Variants in ZDHHC14 observed in about 807,000 individuals in gnomAD.
ZDHHC14 encodes zDHHC palmitoyltransferase 14.
A neutral mutation model predicts 47.7 loss-of-function variants in ZDHHC14; 16 were observed. That is an observed-to-expected ratio of 0.34 (90% CI 0.23 to 0.51). The LOEUF (loss-of-function observed/expected upper bound fraction) is 0.51. Ranked by LOEUF, ZDHHC14 falls within the 20% of genes least tolerant of loss-of-function variation. The pLI is 0.97. For synonymous variants in ZDHHC14, 293 were observed against 278.9 expected, an observed-to-expected ratio of 1.05 and a Z score of -0.50; for missense variants, 515 against 662.5, an observed-to-expected ratio of 0.78 and a Z score of 2.44.
In ZDHHC14 at chr6:157,424,842, C is replaced by G. The variant is rs776410460; in HGVS notation, c.245+42576C>G. On this transcript the variant is annotated intron_variant, in intron 1 of 8. Coordinates refer to ENST00000359775, the MANE Select transcript of ZDHHC14 (RefSeq NM_024630.3). ...TCAAATGTGCCCTTCACTGCGTCCC[C>G]AACCCCACCCCAGGCCCCAGAGTCA... Among the ~76,000 whole-genome samples, 243 of 152,190 alleles carry G rather than the reference C, an allele frequency of 1.6e-3. 1 individual carries two copies. Among genetic ancestry groups the G allele is most frequent in the Non-Finnish European group, 2.1e-3 (140 of 68,004 alleles).
intron 1 of ZDHHC14, among the ~76,000 whole-genome samples, chr6:157,484,399 CAT>C (rs952887659): frequency 2.2e-4 from 32 of 142,944 alleles, no homozygotes; most frequent in Middle Eastern, 3.7e-3. Context: ...CGTATATATA[CAT>C]ATATATGTAT....
chr6:157,533,638 CT>C (rs1781442530), intron 1 of ZDHHC14, among the ~76,000 whole-genome samples: 1 of 152,146 alleles, frequency 6.6e-6, no homozygotes, highest in Admixed American at 6.5e-5. Context: ...GCTTTGTAGC[CT>C]CGGCAAGTAC....
chr6:157,431,696 T>A (rs1778341439), intron 1 of ZDHHC14, among the ~76,000 whole-genome samples: 1 of 152,044 alleles, frequency 6.6e-6, no homozygotes, highest in Non-Finnish European at 1.5e-5. Flanking sequence ...ACCTGGCATT[T>A]TTGCTTTGGC....
At chr6:157,409,847 G>GGGGC (rs1362157334) in intron 1 of ZDHHC14, among the ~76,000 whole-genome samples, 2 of 151,482 alleles carry the variant, frequency 1.3e-5, no homozygotes, top group African/African-American at 2.4e-5. Flanking sequence ...TTTGGGGGGG[G>GGGGC]GGACAGAGTC....
chr6:157,438,017 T>A (rs149072273), intron 1 of ZDHHC14, among the ~76,000 whole-genome samples: 129 of 152,298 alleles, frequency 8.5e-4, no homozygotes, highest in African/African-American at 2.9e-3. Context: ...ATGTTTTTTT[T>A]ATTGAGGTAA....
intron 1 of ZDHHC14, among the ~76,000 whole-genome samples, chr6:157,411,130 G>A (rs904328969): frequency 2.0e-5 from 3 of 152,150 alleles, no homozygotes; most frequent in African/African-American, 7.2e-5. Flanking sequence ...ACCTTAGATC[G>A]ACTGAATCAG....
intron 1 of ZDHHC14, among the ~76,000 whole-genome samples, chr6:157,528,593 G>A (rs182784990): frequency 5.3e-5 from 8 of 152,128 alleles, no homozygotes; most frequent in East Asian, 1.9e-4. Context: ...TTAGCCAGGC[G>A]TGGTGGCAGG....
intron 5 of ZDHHC14, among the ~76,000 whole-genome samples, chr6:157,641,901 T>C (rs1777268242): frequency 6.6e-6 from 1 of 152,204 alleles, no homozygotes; most frequent in East Asian, 1.9e-4. Context: ...TAATGAAGTG[T>C]CCCAACTCCA....
chr6:157,479,309 G>C (rs1321021753), intron 1 of ZDHHC14, among the ~76,000 whole-genome samples: 1 of 152,222 alleles, frequency 6.6e-6, no homozygotes. Flanking sequence ...CACATCCTAA[G>C]TGCAGTGTAA....
At chr6:157,531,588 C>T (rs1781369499) in intron 1 of ZDHHC14, among the ~76,000 whole-genome samples, 3 of 151,478 alleles carry the variant, frequency 2.0e-5, no homozygotes, top group South Asian at 2.1e-4. Context: ...TGCTGATTTG[C>T]CCCACCCCCC....
chr6:157,640,674 A>T (rs1777206359), intron 5 of ZDHHC14, among the ~76,000 whole-genome samples: 1 of 152,152 alleles, frequency 6.6e-6, no homozygotes, highest in African/African-American at 2.4e-5. Flanking sequence ...GGACTGAGAT[A>T]CTTCCTGCTA....
At chr6:157,420,231 G>A (rs1181569461) in intron 1 of ZDHHC14, among the ~76,000 whole-genome samples, 1 of 151,354 alleles carries the variant, frequency 6.6e-6, no homozygotes, top group Non-Finnish European at 1.5e-5. Flanking sequence ...CATTGAAGGG[G>A]TGGGCTGAAT....
intron 1 of ZDHHC14, among the ~76,000 whole-genome samples, chr6:157,458,556 G>C (rs1034058306): frequency 7.2e-5 from 11 of 152,106 alleles, no homozygotes; most frequent in Non-Finnish European, 1.3e-4. Flanking sequence ...TGGTTTTAAA[G>C]AAATCGCAAA....
chr6:157,461,257 G>A (rs1452723641), intron 1 of ZDHHC14, among the ~76,000 whole-genome samples: 1 of 152,226 alleles, frequency 6.6e-6, no homozygotes, highest in Non-Finnish European at 1.5e-5. Flanking sequence ...GTGAGAAGGG[G>A]TCGGCATGGG....
At chr6:157,636,035 C>T (rs1481384747) in intron 5 of ZDHHC14, among the ~76,000 whole-genome samples, 1 of 152,170 alleles carries the variant, frequency 6.6e-6, no homozygotes, top group East Asian at 1.9e-4. Flanking sequence ...CTCCTCCACA[C>T]TCAGGGGCAG....
intron 8 of ZDHHC14, among the ~76,000 whole-genome samples, chr6:157,657,018 A>G (rs7766266): frequency 0.73 from 110,086 of 151,716 alleles, 40,199 homozygotes; most frequent in African/African-American, 0.8. Flanking sequence ...CTCCTGTAGC[A>G]TCTTCTTGCC....
rs1470551303 is a variant in ZDHHC14, at chr6:157,381,589, G to A, written c.-433G>A. On this transcript the variant is annotated 5_prime_UTR_variant, in exon 1 of 9. Coordinates refer to ENST00000359775, the MANE Select transcript of ZDHHC14 (RefSeq NM_024630.3). ...TCCCGAGGAAGCCGGCGCCGGGGCC[G>A]CCGCCTCGTGTCCCCTCGGGGCGCA... The A allele has an allele frequency of 5.0e-6, 2 of 396,096 alleles. No individual in the cohort carries two copies. The highest frequency in any genetic ancestry group is 1.7e-5 in the South Asian group (1 of 58,910). The allele number at this position is 396,096 out of a possible 1,614,324, so 24.5% of individuals were successfully genotyped here. A position where few individuals can be genotyped will look rare whatever the true frequency, so the allele number is the denominator to read the frequency against.
chr6:157,390,516 A>G (rs1777401484), intron 1 of ZDHHC14, among the ~76,000 whole-genome samples: 1 of 152,094 alleles, frequency 6.6e-6, no homozygotes, highest in Non-Finnish European at 1.5e-5. Flanking sequence ...AACTCCAGTT[A>G]ATTATATATG....
chr6:157,644,808 G>A (rs186990303), intron 5 of ZDHHC14, among the ~76,000 whole-genome samples: 25 of 152,304 alleles, frequency 1.6e-4, no homozygotes, highest in African/African-American at 5.8e-4. Context: ...CCAGACCCAG[G>A]ATGAATGGAT....
Sources: gnomAD v4.1 joint callset for allele counts (sites outside exome capture counted in the v4.1 genomes callset) on GRCh38, gnomAD v4.1.1 for gene constraint, MANE v1.5 for transcripts, NCBI Gene and HGNC (gene_info 2026-07-23, HGNC 2026-07-21) for gene names.